The following NLRP1 variants were observed in gnomAD, a reference collection of about 807,000 sequenced individuals.
NLRP1 encodes the protein NACHT, LRR and PYD domains-containing protein 1.
A neutral mutation model predicts 136.7 loss-of-function variants in NLRP1; 94 were observed. The observed-to-expected ratio is 0.69, with a 90% CI of 0.58 to 0.82. NLRP1 has a LOEUF of 0.82. Ranked by LOEUF, NLRP1 falls within the 40% of genes least tolerant of loss-of-function variation. The pLI is 0.00. For missense variants in NLRP1, 1,575 were observed against 1,802.7 expected (o/e 0.87, Z 2.29); for synonymous variants, 690 against 725.1 (o/e 0.95, Z 0.78).
rs190773968 is a variant in NLRP1, at chr17:5,574,857, G to A, written c.652+7002C>T. On this transcript the variant is annotated intron_variant, in intron 3 of 16. Coordinates refer to ENST00000572272, the MANE Select transcript of NLRP1 (RefSeq NM_033004.4). ...TTTTTGTATTTTTTAGTAGAGATGG[G>A]GTTTCACCATGTTAGCCAGGACGGT... is the stretch of plus-strand genomic sequence containing the variant. 6.8e-4 allele frequency among the ~76,000 whole-genome samples: 104 copies of A among 151,848 alleles called. 3 individuals are homozygous for A. The East Asian group carries it at 0.02, about 29-fold the overall frequency.
chr17:5,530,725 C>T (rs761581725), intron 11 of NLRP1, 21 bp from the exon 12 acceptor site: 1 of 1,589,788 alleles, frequency 6.3e-7, no homozygotes, highest in Non-Finnish European at 8.6e-7. Context: ...GAGGGAGAGG[C>T]AGACACTTAC....
chr17:5,536,954 G>C lies in NLRP1; in HGVS notation c.2871-14C>G. 1 of 1,595,784 alleles carries C rather than the reference G, an allele frequency of 6.3e-7. No homozygotes were observed. On this transcript the variant is annotated splice_polypyrimidine_tract_variant and intron_variant, in intron 7 of 16. Transcript: ENST00000572272. ...GTCTGGTCCAGCCTGAAAGCACAAA[G>C]GGAGCCGGGTCCTCCTGGGATCCCC...
At chr17:5,566,260 A>AT (rs1320666021) in intron 3 of NLRP1, among the ~76,000 whole-genome samples, 2 of 151,338 alleles carry the variant, frequency 1.3e-5, no homozygotes, top group Non-Finnish European at 3.0e-5. Context: ...GCATCATTAG[A>AT]TTGTTTATTT....
chr17:5,583,166 A>C lies in NLRP1; in HGVS notation c.272-320T>G, dbSNP rs1373708895. On this transcript the variant is annotated intron_variant, in intron 1 of 16. Transcript: ENST00000572272. This position sits in a 1 kb window ranked among gnomAD's most constrained non-coding sequence, Gnocchi z 4.5. ...ACGGCATCTGCAACCCAGGGTGGCT[A>C]ATAGTAATAATAACAGCAGCAGCAG... 6.6e-6 allele frequency among the ~76,000 whole-genome samples: 1 copy of C among 152,036 alleles called. No individual in the cohort carries two copies. Among genetic ancestry groups the C allele is most frequent in the Non-Finnish European group, 1.5e-5 (1 of 68,026 alleles).
At chr17:5,581,746 G>C (rs895987360) in intron 3 of NLRP1, 113 bp downstream of exon 3, 18 of 891,706 alleles carry the variant, frequency 2.0e-5, no homozygotes, top group Middle Eastern at 6.5e-4. Context: ...GGAAATTTCA[G>C]ATGTTTTCCA....
downstream of NLRP1, among the ~76,000 whole-genome samples, chr17:5,510,070 C>CTTTTTTTT (rs749349135): frequency 6.7e-6 from 1 of 148,620 alleles, no homozygotes; most frequent in African/African-American, 2.5e-5. Context: ...TATTCTTCTT[C>CTTTTTTTT]TTCTTTTTTT....
chr17:5,577,065 C>T (rs1212884667), intron 3 of NLRP1, among the ~76,000 whole-genome samples: 1 of 152,256 alleles, frequency 6.6e-6, no homozygotes, highest in East Asian at 1.9e-4. Flanking sequence ...TTCAACAGCC[C>T]TACATGCTAA....
At chr17:5,539,896 ATC>A (rs1397613760) in intron 6 of NLRP1, among the ~76,000 whole-genome samples, 2 of 152,050 alleles carry the variant, frequency 1.3e-5, no homozygotes, top group Non-Finnish European at 2.9e-5. Flanking sequence ...ACCTGGGTCT[ATC>A]TGTTTTCTCT....
chr17:5,569,313 A>T (rs1915634735), intron 3 of NLRP1, among the ~76,000 whole-genome samples: 1 of 152,204 alleles, frequency 6.6e-6, no homozygotes, highest in Admixed American at 6.5e-5. Flanking sequence ...GCTCCCATTA[A>T]AAGGCACAGA....
At chr17:5,547,921 A>G (rs1188702933) in intron 5 of NLRP1, among the ~76,000 whole-genome samples, 6 of 151,980 alleles carry the variant, frequency 3.9e-5, no homozygotes, top group Non-Finnish European at 7.4e-5. Flanking sequence ...CTTTTCTTCA[A>G]TTTCCTTGGA....
rs528203731 is a variant in NLRP1, at chr17:5,546,946, A to G, written c.2529-4919T>C. On this transcript the variant is annotated intron_variant, in intron 5 of 16. Transcript: ENST00000572272. ...TCTTTCTTTTTATGGTGCTACCCCC[A>G]GTGAGCCAGAATTAATCAGGCCCCG... Among the ~76,000 whole-genome samples, 1,404 of 152,258 alleles carry G rather than the reference A, an allele frequency of 9.2e-3. 17 individuals are homozygous for G. The highest frequency in any genetic ancestry group is 0.014 in the Non-Finnish European group (975 of 68,018).
rs1327517597 is a variant in NLRP1 at position 5,541,969 on chromosome 17, C to T, written c.2587G>A (p.Ala863Thr). 1 of 1,614,150 alleles carries T rather than the reference C, an allele frequency of 6.2e-7. No homozygotes were observed. Among genetic ancestry groups the T allele is most frequent in the East Asian group, 2.2e-5 (1 of 44,852 alleles). ...TCCAGCTCGGTCAGGGTCTGGTTGG[C>T]TCTCAGCCCAAAGGCAAGGTCCTTG... ...DCKDLAFGLR[A>T]NQTLTELDLS... is the part of the protein sequence containing the mutation. The change falls in exon 6 of 17, where the codon GCC becomes ACC. Residue 863 changes from alanine (A) to threonine (T), a missense_variant. By Grantham distance (58) the Ala-to-Thr change is moderately conservative. Coordinates refer to ENST00000572272, the MANE Select transcript of NLRP1 (RefSeq NM_033004.4). This position sits in a 1 kb window ranked among gnomAD's most constrained non-coding sequence, Gnocchi z 4.2.
At chr17:5,566,214 G>A (rs1915317183) in intron 3 of NLRP1, among the ~76,000 whole-genome samples, 2 of 151,616 alleles carry the variant, frequency 1.3e-5, no homozygotes, top group African/African-American at 4.8e-5. Context: ...TACTAATAGT[G>A]GGTTTGGTTT....
At chr17:5,508,356 G>T (rs1464279310) in intron 15 of NLRP1, among the ~76,000 whole-genome samples, 1 of 152,156 alleles carries the variant, frequency 6.6e-6, no homozygotes, top group Non-Finnish European at 1.5e-5. Context: ...TTGCTATGTT[G>T]CCTAGGCTGG....
intron 15 of NLRP1, 150 bp from the exon 16 acceptor site, chr17:5,515,667 G>C (rs1908011749): frequency 2.9e-6 from 2 of 688,268 alleles, no homozygotes; most frequent in African/African-American, 3.5e-5. Context: ...GTAAGAGCTG[G>C]AAGGGTCCTT....
intron 6 of NLRP1, 142 bp from the exon 7 acceptor site, chr17:5,539,727 G>T: frequency 7.2e-7 from 1 of 1,383,574 alleles, no homozygotes; most frequent in Non-Finnish European, 9.4e-7. Flanking sequence ...AACTTTCCTG[G>T]CTTGCGGTAA....
At chr17:5,555,017 TCACACACA>T (rs55705436) in intron 4 of NLRP1, among the ~76,000 whole-genome samples, 16,363 of 142,228 alleles carry the variant, frequency 0.12, 1,726 homozygotes, top group East Asian at 0.56. Flanking sequence ...TGAGATCCCA[TCACACACA>T]CACACACACA....
downstream of NLRP1, among the ~76,000 whole-genome samples, chr17:5,511,501 C>T (rs948449395): frequency 6.6e-6 from 1 of 151,884 alleles, no homozygotes; most frequent in Non-Finnish European, 1.5e-5. Flanking sequence ...CCCATCCCCA[C>T]ACACTTGTTT....
intron 4 of NLRP1, among the ~76,000 whole-genome samples, chr17:5,555,098 CACTT>C (rs1341229887): frequency 2.0e-5 from 3 of 152,040 alleles, no homozygotes; most frequent in Non-Finnish European, 4.4e-5. Flanking sequence ...ATTTCTTTTA[CACTT>C]ACTTAGTTTT....
Sources: gnomAD v4.1 joint callset for allele counts (sites outside exome capture counted in the v4.1 genomes callset) on GRCh38, gnomAD v4.1.1 for gene constraint, Gnocchi (gnomAD v3.1) non-coding constraint, MANE v1.5 for transcripts, NCBI Gene and HGNC (gene_info 2026-07-23, HGNC 2026-07-21) for gene names.